The following TMEM132B variants were observed in gnomAD, a reference collection of about 807,000 sequenced individuals.
The protein encoded by TMEM132B is transmembrane protein 132B.
Under a neutral mutation model 90.8 loss-of-function variants are expected in TMEM132B, and 18 were observed. That is an observed-to-expected ratio of 0.20 (90% CI 0.14 to 0.29). The LOEUF is 0.29. TMEM132B is among the 10% of genes least tolerant of loss of function. The pLI is 1.00. For missense variants in TMEM132B, 1,096 were observed against 1,326.8 expected (o/e 0.83, Z 2.70); for synonymous variants, 504 against 523.3 (o/e 0.96, Z 0.50).
rs759492830 is a variant in TMEM132B at position 125,407,030 on chromosome 12, T to TG, written c.960-8496dup. 6.6e-6 allele frequency among the ~76,000 whole-genome samples: 1 copy of TG among 152,188 alleles called. No individual in the cohort carries two copies. The highest frequency in any genetic ancestry group is 1.5e-5 in the Non-Finnish European group (1 of 68,042). On this transcript the variant is annotated intron_variant, in intron 2 of 8. Transcript: ENST00000682704. This position sits in a 1 kb window ranked among gnomAD's most constrained non-coding sequence, Gnocchi z 6.7. ...ACCATAGGCACAGAGTGCTGCCAACTGGGGGAGCTCACCCAAGCTTGGTGT... is the reference window on the plus strand; with the variant it reads ...ACCATAGGCACAGAGTGCTGCCAACTGGGGGGAGCTCACCCAAGCTTGGTGT...
At chr12:125,582,200 G>A (rs899984233) in intron 4 of TMEM132B, among the ~76,000 whole-genome samples, 2 of 151,778 alleles carry the variant, frequency 1.3e-5, no homozygotes, top group African/African-American at 4.8e-5. Flanking sequence ...TGAGAAAACT[G>A]AATGAGGATG....
chr12:125,490,257 T>C lies in TMEM132B; in HGVS notation c.1107-29182T>C, dbSNP rs1311205075. 6.6e-6 allele frequency among the ~76,000 whole-genome samples: 1 copy of C among 152,262 alleles called. No homozygotes were observed. Among genetic ancestry groups the C allele is most frequent in the Non-Finnish European group, 1.5e-5 (1 of 68,010 alleles). On this transcript the variant is annotated intron_variant, in intron 3 of 8. Transcript: ENST00000682704. The surrounding 1 kb of genome is among the most constrained non-coding windows in gnomAD (Gnocchi z 4.2). ...TAACTTGGCAATGTAGATGTTATCC[T>C]CATTTACAGATGAGGAAACTGAAGC...
intron 4 of TMEM132B, among the ~76,000 whole-genome samples, chr12:125,556,824 G>T (rs756476908): frequency 1.3e-5 from 2 of 151,978 alleles, no homozygotes; most frequent in Non-Finnish European, 2.9e-5. Flanking sequence ...CCACGATCTC[G>T]GCTCGCTGCA....
In TMEM132B at chr12:125,653,961, G is replaced by C; in HGVS notation, c.2503G>C (p.Glu835Gln). The change falls in exon 9 of 9, where the codon GAA (glutamate) becomes CAA (glutamine). Residue 835 changes from glutamate to glutamine, a missense_variant. By Grantham distance (29) the Glu-to-Gln change is conservative (BLOSUM62 2). Transcript: ENST00000682704. ...REGNQERAVQ[E>Q]WFHRGTPVGQ... ...AGGAAACCAGGAGAGAGCAGTCCAG[G>C]AATGGTTCCACCGTGGCACACCTGT... 1 of 1,614,168 alleles carries C rather than the reference G, an allele frequency of 6.2e-7. No homozygotes were observed. Among genetic ancestry groups the C allele is most frequent in the Non-Finnish European group, 8.5e-7 (1 of 1,180,042 alleles).
chr12:125,323,898 A>AGG (rs1489691238), intron 1 of TMEM132B, among the ~76,000 whole-genome samples: 2 of 152,170 alleles, frequency 1.3e-5, no homozygotes, highest in African/African-American at 4.8e-5. Context: ...GTGTATATAA[A>AGG]GGCATCCACA....
intron 5 of TMEM132B, chr12:125,587,527 G>A (rs1057409798): frequency 1.3e-5 from 2 of 152,136 alleles, no homozygotes; most frequent in African/African-American, 2.4e-5. Context: ...ACAGGACCAG[G>A]TGGTCCTGGG....
At chr12:125,618,586 A>T (rs1292697047) in intron 5 of TMEM132B, among the ~76,000 whole-genome samples, 2 of 152,194 alleles carry the variant, frequency 1.3e-5, no homozygotes, top group Non-Finnish European at 2.9e-5. Context: ...GAGATTTCAG[A>T]GATTTTCTTA....
At chr12:125,228,142 T>C (rs565908921) in intron 1 of TMEM132B, among the ~76,000 whole-genome samples, 11 of 152,130 alleles carry the variant, frequency 7.2e-5, no homozygotes, top group Non-Finnish European at 1.2e-4. Flanking sequence ...TGCCACCTCA[T>C]TAGCAAAGTT....
rs769411791 is a variant in TMEM132B at position 125,246,026 on chromosome 12, C to A, written c.67+59160C>A. On this transcript the variant is annotated intron_variant, in intron 1 of 8. Coordinates refer to ENST00000682704, the MANE Select transcript of TMEM132B (RefSeq NM_001366854.1). The surrounding 1 kb of genome is among the most constrained non-coding windows in gnomAD (Gnocchi z 4.2). Reference sequence around the variant, plus strand: ...GACCATTTTAACACAAAACGGGACCCTCGTGTGCTTCTTCCACTGGAAGGA... The same window carrying A: ...GACCATTTTAACACAAAACGGGACCATCGTGTGCTTCTTCCACTGGAAGGA... Among the ~76,000 whole-genome samples the A allele has an allele frequency of 1.3e-5, 2 of 152,220 alleles. No homozygotes were observed. Among genetic ancestry groups the A allele is most frequent in the African/African-American group, 2.4e-5 (1 of 41,458 alleles).
intron 2 of TMEM132B, among the ~76,000 whole-genome samples, chr12:125,379,197 T>A (rs1878585390): frequency 6.6e-6 from 1 of 152,208 alleles, no homozygotes; most frequent in African/African-American, 2.4e-5. Flanking sequence ...TATGTTATGT[T>A]ACATGGCAAG....
At position 125,349,592 on chromosome 12, in the gene TMEM132B, A is replaced by G; in HGVS notation, c.208A>G (p.Ser70Gly). 6.2e-7 allele frequency: 1 copy of G among 1,614,188 alleles called. No individual in the cohort carries two copies. Among genetic ancestry groups the G allele is most frequent in the East Asian group, 2.2e-5 (1 of 44,886 alleles). The change falls in exon 2 of 9, where the codon AGT (serine) becomes GGT (glycine). Residue 70 changes from serine (S) to glycine (G), a missense_variant. Physicochemically the swap from Ser to Gly is moderately conservative, Grantham distance 56. Coordinates refer to ENST00000682704, the MANE Select transcript of TMEM132B (RefSeq NM_001366854.1). This position sits in a 1 kb window ranked among gnomAD's most constrained non-coding sequence, Gnocchi z 4.1. ...CAACCAAGACCTCACAAGGAACTCC[A>G]GTCTGCAGGCCCGGGTGGAGCCATT... ...EANQDLTRNS[S>G]LQARVEPFFI...
In TMEM132B at chr12:125,450,287, C is replaced by T. The variant is rs12161790; in HGVS notation, c.1106+34610C>T. Among the ~76,000 whole-genome samples the T allele has an allele frequency of 1.0e-2, 1,521 of 152,136 alleles. 18 individuals are homozygous for T. The highest frequency in any genetic ancestry group is 0.014 in the Non-Finnish European group (918 of 67,988). On this transcript the variant is annotated intron_variant, in intron 3 of 8. Coordinates refer to ENST00000682704, the MANE Select transcript of TMEM132B (RefSeq NM_001366854.1). ...TAGATACAAGGTGAACCTGTTGTGT[C>T]TTGTTAGTTATGCCAAAAAATTAGG...
At chr12:125,448,803 T>C (rs1881071687) in intron 3 of TMEM132B, among the ~76,000 whole-genome samples, 1 of 152,098 alleles carries the variant, frequency 6.6e-6, no homozygotes, top group Non-Finnish European at 1.5e-5. Context: ...TGTATGAGAG[T>C]TTCAGTTGCT....
intron 1 of TMEM132B, chr12:125,301,939 T>A (rs1875837115): frequency 6.6e-6 from 1 of 151,770 alleles, no homozygotes; most frequent in East Asian, 1.9e-4. Flanking sequence ...CGGTGGCTCA[T>A]GCCTGTAATC....
At chr12:125,373,677 A>G (rs373608889) in intron 2 of TMEM132B, among the ~76,000 whole-genome samples, 3 of 152,358 alleles carry the variant, frequency 2.0e-5, no homozygotes, top group South Asian at 4.1e-4. Context: ...CTTTAAAGCC[A>G]TCAGCTATTA....
intron 1 of TMEM132B, among the ~76,000 whole-genome samples, chr12:125,252,411 C>T (rs1381822504): frequency 2.6e-5 from 4 of 152,206 alleles, no homozygotes; most frequent in Non-Finnish European, 5.9e-5. Context: ...CGGAGGCCTG[C>T]ACTCGCTGTC....
At chr12:125,321,983 C>T (rs963453902) in intron 1 of TMEM132B, among the ~76,000 whole-genome samples, 1 of 152,184 alleles carries the variant, frequency 6.6e-6, no homozygotes, top group Admixed American at 6.5e-5. Context: ...AAAGGCACAA[C>T]CTACTGATAA....
At chr12:125,210,106 A>G (rs1873287271) in intron 1 of TMEM132B, among the ~76,000 whole-genome samples, 1 of 152,230 alleles carries the variant, frequency 6.6e-6, no homozygotes, top group Non-Finnish European at 1.5e-5. Context: ...ATAGGTCACT[A>G]AAATATTCAG....
At chr12:125,303,878 G>A (rs1009395640) in intron 1 of TMEM132B, among the ~76,000 whole-genome samples, 3 of 152,156 alleles carry the variant, frequency 2.0e-5, no homozygotes, top group African/African-American at 7.2e-5. Context: ...TCTCTGGATA[G>A]TAAACCCTTA....
Sources: allele counts gnomAD v4.1 joint callset (sites outside exome capture counted in the v4.1 genomes callset), GRCh38; gene constraint gnomAD v4.1.1; non-coding constraint Gnocchi (gnomAD v3.1); transcripts MANE v1.5; gene names NCBI Gene and HGNC (gene_info 2026-07-23, HGNC 2026-07-21).